The following MYO3B variants were observed in gnomAD, a reference collection of about 807,000 sequenced individuals.
MYO3B encodes myosin IIIB.
In MYO3B, 156 loss-of-function variants were observed where a neutral mutation model predicts 174.6. The observed-to-expected ratio is 0.89, with a 90% CI of 0.78 to 1.02. The LOEUF is 1.02. Ranked by LOEUF, MYO3B falls within the 50% of genes least tolerant of loss-of-function variation. The probability of loss-of-function intolerance (pLI) is 0.00; values close to 1 mark genes in which losing one functional copy is unlikely to be tolerated. For missense variants in MYO3B, 1,632 were observed against 1,639.4 expected (o/e 1.00, Z 0.08); for synonymous variants, 563 against 569.1 (o/e 0.99, Z 0.15).
At chr2:170,606,504 C>G (rs1175326537) in intron 32 of MYO3B, among the ~76,000 whole-genome samples, 3 of 152,194 alleles carry the variant, frequency 2.0e-5, no homozygotes, top group Non-Finnish European at 4.4e-5. Flanking sequence ...TTAAAACAAT[C>G]TATTCATTTC....
intron 3 of MYO3B, among the ~76,000 whole-genome samples, chr2:170,214,084 A>G (rs1000740185): frequency 1.3e-5 from 2 of 152,222 alleles, no homozygotes; most frequent in Non-Finnish European, 2.9e-5. Flanking sequence ...TTTGTAAAAA[A>G]TTTCTAATTG....
intron 32 of MYO3B, among the ~76,000 whole-genome samples, chr2:170,549,486 C>T (rs1392387435): frequency 2.6e-5 from 4 of 152,190 alleles, no homozygotes; most frequent in Non-Finnish European, 2.9e-5. Context: ...CTTTCTTTCA[C>T]TTAGCAGCTT....
intron 30 of MYO3B, among the ~76,000 whole-genome samples, chr2:170,536,076 G>C (rs1049469811): frequency 2.0e-5 from 3 of 152,228 alleles, no homozygotes; most frequent in Non-Finnish European, 4.4e-5. Context: ...CACAGTGACA[G>C]CTGCCTGCAG....
intron 7 of MYO3B, among the ~76,000 whole-genome samples, chr2:170,287,299 T>C (rs1322361574): frequency 6.6e-6 from 1 of 152,164 alleles, no homozygotes; most frequent in Admixed American, 6.5e-5. Context: ...TTGAGGAACC[T>C]CCATACTGGT....
intron 32 of MYO3B, among the ~76,000 whole-genome samples, chr2:170,559,934 G>A (rs1041143582): frequency 6.6e-5 from 10 of 152,148 alleles, no homozygotes; most frequent in African/African-American, 9.7e-5. Flanking sequence ...TTGTCTGTGT[G>A]TGTGTGATGC....
At chr2:170,256,328 A>G (rs541123441) in intron 7 of MYO3B, among the ~76,000 whole-genome samples, 60 of 152,328 alleles carry the variant, frequency 3.9e-4, no homozygotes, top group African/African-American at 1.4e-3. Context: ...CCTAAGATGC[A>G]TAGTAATCAG....
intron 14 of MYO3B, among the ~76,000 whole-genome samples, chr2:170,390,939 G>GGCTAT (rs2094407724): frequency 6.6e-6 from 1 of 152,142 alleles, no homozygotes; most frequent in African/African-American, 2.4e-5. Context: ...GCAGTCCACA[G>GGCTAT]GCTATGCTCA....
chr2:170,330,723 A>ATG (rs2093905710), intron 7 of MYO3B, among the ~76,000 whole-genome samples: 1 of 152,180 alleles, frequency 6.6e-6, no homozygotes, highest in Non-Finnish European at 1.5e-5. Context: ...GGTTATATAT[A>ATG]TTCAGGGACC....
chr2:170,599,258 C>A (rs976403311), intron 32 of MYO3B, among the ~76,000 whole-genome samples: 2 of 152,178 alleles, frequency 1.3e-5, no homozygotes, highest in African/African-American at 4.8e-5. Context: ...TGGTAGCACC[C>A]ATTTGACAAT....
chr2:170,279,522 T>C (rs1188358545), intron 7 of MYO3B, among the ~76,000 whole-genome samples: 1 of 152,054 alleles, frequency 6.6e-6, no homozygotes, highest in East Asian at 1.9e-4. Flanking sequence ...TAGGTAAACT[T>C]GTGTCATGGG....
intron 22 of MYO3B, among the ~76,000 whole-genome samples, chr2:170,416,180 T>C (rs1224099102): frequency 7.0e-6 from 1 of 141,886 alleles, no homozygotes; most frequent in Non-Finnish European, 1.6e-5. Flanking sequence ...ACCTGCTAAC[T>C]CAACTCTGCT....
At chr2:170,604,564 C>T (rs1694700364) in intron 32 of MYO3B, among the ~76,000 whole-genome samples, 2 of 152,082 alleles carry the variant, frequency 1.3e-5, no homozygotes, top group African/African-American at 2.4e-5. Context: ...TCAACAGATA[C>T]AGAAGCCAAA....
intron 29 of MYO3B, among the ~76,000 whole-genome samples, chr2:170,517,989 T>TTGTGTGTGTG (rs10606302): frequency 8.6e-4 from 128 of 149,512 alleles, no homozygotes; most frequent in African/African-American, 3.1e-3. Context: ...GCCATAATGT[T>TTGTGTGTGTG]TGTGTGTGTG....
chr2:170,318,566 G>T (rs1032109379), intron 7 of MYO3B, among the ~76,000 whole-genome samples: 1 of 152,122 alleles, frequency 6.6e-6, no homozygotes, highest in South Asian at 2.1e-4. Flanking sequence ...GATGTGAGTG[G>T]TCTCAAGCGA....
intron 29 of MYO3B, among the ~76,000 whole-genome samples, 196 bp from the exon 30 acceptor site, chr2:170,519,242 G>A (rs1188284212): frequency 1.3e-5 from 2 of 152,128 alleles, no homozygotes; most frequent in Non-Finnish European, 2.9e-5. Flanking sequence ...TTTGCTGACT[G>A]AGACCAAGCA....
At position 170,653,622 on chromosome 2, in the gene MYO3B, T is replaced by A. The variant is rs1280541519; in HGVS notation, c.*501T>A. 6.4e-6 allele frequency: 1 copy of A among 156,374 alleles called. No homozygotes were observed. The highest frequency in any genetic ancestry group is 1.4e-5 in the Non-Finnish European group (1 of 70,520). The allele number at this position is 156,374 out of a possible 1,614,324, so 9.7% of individuals were successfully genotyped here. ...ACCTCCCCCAGAGTCAGGGCTCCAT[T>A]GCTGAGTGCCCCATCCTGGAGGATT... is the stretch of plus-strand genomic sequence containing the variant. On this transcript the variant is annotated 3_prime_UTR_variant, in exon 35 of 35. Transcript: ENST00000408978.
Position 170,651,618 on chromosome 2 carries a change from C to T in MYO3B, c.3734-10C>T. The stretch of plus-strand genomic sequence containing the variant: ...GGACAGTTTACAGCAAAGTTTTGCT[C>T]TTTTTTCAGGTTCAGAAAATGGTCT... On this transcript the variant is annotated splice_polypyrimidine_tract_variant and intron_variant, in intron 32 of 34. Coordinates refer to ENST00000408978, the MANE Select transcript of MYO3B (RefSeq NM_138995.5). 1 of 1,613,688 alleles carries T rather than the reference C, an allele frequency of 6.2e-7. No individual in the cohort carries two copies. Among genetic ancestry groups the T allele is most frequent in the Non-Finnish European group, 8.5e-7 (1 of 1,179,688 alleles).
intron 6 of MYO3B, among the ~76,000 whole-genome samples, chr2:170,227,054 T>A (rs2092959488): frequency 6.6e-6 from 1 of 152,162 alleles, no homozygotes; most frequent in South Asian, 2.1e-4. Context: ...ACTGCCCTGT[T>A]CTGGGTACAG....
At chr2:170,421,532 C>T (rs2094614902) in intron 22 of MYO3B, among the ~76,000 whole-genome samples, 1 of 152,206 alleles carries the variant, frequency 6.6e-6, no homozygotes, top group African/African-American at 2.4e-5. Context: ...CCAGCCCTCT[C>T]CAGCCACCCT....
Sources: allele counts gnomAD v4.1 joint callset (sites outside exome capture counted in the v4.1 genomes callset), GRCh38; gene constraint gnomAD v4.1.1; transcripts MANE v1.5; gene names NCBI Gene and HGNC (gene_info 2026-07-23, HGNC 2026-07-21).